IDS: variants seen among roughly 807,000 people sequenced by gnomAD.
The protein encoded by IDS is iduronate 2-sulfatase, also known as alpha-L-iduronate sulfate sulfatase.
A neutral mutation model predicts 33.5 loss-of-function variants in IDS; 1 was observed. The ratio of observed to expected loss-of-function variants is 0.03; its 90% CI spans 0.01 to 0.14. The LOEUF (loss-of-function observed/expected upper bound fraction) is 0.14. IDS is among the 10% of genes least tolerant of loss of function. The pLI is 1.00. For missense variants in IDS, 328 were observed against 448.0 expected, an observed-to-expected ratio of 0.73 and a Z score of 2.42; for synonymous variants, 191 against 184.4, an observed-to-expected ratio of 1.04 and a Z score of -0.29.
intron 7 of IDS, among the ~76,000 whole-genome samples, chrX:149,487,609 CA>C (rs2089349595): frequency 8.9e-6 from 1 of 112,501 alleles, no homozygotes; most frequent in Admixed American, 9.4e-5. Flanking sequence ...TCAAAAAAGA[CA>C]AGGACATCTT....
Position 149,482,488 on chromosome X carries a change from A to G in IDS, c.*258T>C. 2.6e-6 allele frequency: 1 copy of G among 381,629 alleles called. No homozygotes were observed. The highest frequency in any genetic ancestry group is 4.7e-5 in the East Asian group (1 of 21,289). The allele number at this position is 381,629 out of a possible 1,213,427, so 31.5% of individuals were successfully genotyped here. ...TTGTTTGCTTTGTATTTATTCAGTAAATAAGCCGTAACTGTTTTAAAAAGA... is the reference window on the plus strand; with the variant it reads ...TTGTTTGCTTTGTATTTATTCAGTAGATAAGCCGTAACTGTTTTAAAAAGA... On this transcript the variant is annotated 3_prime_UTR_variant, in exon 9 of 9. Transcript: ENST00000340855.
At chrX:149,492,642 T>C (rs1275385832) in intron 6 of IDS, among the ~76,000 whole-genome samples, 1 of 110,692 alleles carries the variant, frequency 9.0e-6, no homozygotes, top group Non-Finnish European at 1.9e-5. Context: ...GAAATTGACA[T>C]GATCTGGGCT....
intron 8 of IDS, among the ~76,000 whole-genome samples, chrX:149,485,221 T>C (rs1366220109): frequency 8.9e-6 from 1 of 111,981 alleles, no homozygotes; most frequent in Non-Finnish European, 1.9e-5. Flanking sequence ...TGCCGGGCTG[T>C]GACATGACTT....
At position 149,486,969 on chromosome X, in the gene IDS, G is replaced by A. The variant is rs374041693; in HGVS notation, c.1136C>T (p.Pro379Leu). The change falls in exon 8 of 9, where the codon CCT becomes CTT. Residue 379 changes from proline to leucine, a missense_variant. Pro to Leu is a moderately conservative substitution (Grantham distance 98, BLOSUM62 -3). Coordinates refer to ENST00000340855, the MANE Select transcript of IDS (RefSeq NM_000202.8). ...GGCGGAATCAAAAGGGTCGAGGTAAGGGAAAAGCTTCTCGCCTGCCTCCGG... is the reference window on the plus strand; with the variant it reads ...GGCGGAATCAAAAGGGTCGAGGTAAAGGAAAAGCTTCTCGCCTGCCTCCGG... ...SLPEAGEKLF[P>L]YLDPFDSASQ... 3 of 1,210,510 alleles carry A rather than the reference G, an allele frequency of 2.5e-6. No homozygotes were observed. The African/African-American group carries it at 5.2e-5, about 21-fold the overall frequency.
chrX:149,497,735 G>C (rs1489011806), intron 5 of IDS, among the ~76,000 whole-genome samples: 3 of 112,153 alleles, frequency 2.7e-5, no homozygotes, highest in African/African-American at 9.7e-5. Flanking sequence ...TTTTTGAAGA[G>C]AGTTTCACAT....
chrX:149,483,138 G>A lies in IDS; in HGVS notation c.1261C>T (p.Arg421Cys), dbSNP rs781825818. ...AGLAGLQVPPRCPVPSFHVEL... is the reference protein window; with the variant it reads ...AGLAGLQVPPCCPVPSFHVEL... ...ACGTGAAATGAAGGAACGGGGCAGC[G>A]AGGTGGAACCTGCAGTCCTGCAAGT... The change falls in exon 9 of 9, where the codon CGC (arginine) becomes TGC (cysteine). Residue 421 changes from arginine to cysteine, a missense_variant. Transcript: ENST00000340855. 7.4e-6 allele frequency: 9 copies of A among 1,208,836 alleles called. No individual in the cohort carries two copies. In the South Asian group the frequency reaches 8.8e-5, roughly 12 times the overall value.
chrX:149,488,886 G>A (rs1602732863), intron 7 of IDS, among the ~76,000 whole-genome samples: 3 of 111,326 alleles, frequency 2.7e-5, no homozygotes, highest in South Asian at 7.7e-4. Flanking sequence ...AGATGAGGAC[G>A]TGGCAACATA....
chrX:149,492,255 T>C (rs2089399546), intron 6 of IDS, among the ~76,000 whole-genome samples: 1 of 111,472 alleles, frequency 9.0e-6, no homozygotes, highest in South Asian at 3.8e-4. Flanking sequence ...TTCCCTATAG[T>C]TTTTCCCACC....
intron 5 of IDS, among the ~76,000 whole-genome samples, chrX:149,497,899 A>T (rs1557339468): frequency 8.9e-6 from 1 of 112,629 alleles, no homozygotes; most frequent in African/African-American, 3.2e-5. Flanking sequence ...TGAAGCGGAA[A>T]GCCAAGCATT....
Position 149,478,429 on chromosome X carries a change from TAATG to T in IDS, c.*4313_*4316del, listed in dbSNP as rs2089277913. 1.8e-5 allele frequency: 2 copies of T among 111,965 alleles called. No homozygotes were observed. Among genetic ancestry groups the T allele is most frequent in the African/African-American group, 6.5e-5 (2 of 30,748 alleles). 9.2% of individuals were successfully genotyped at this position (111,965 alleles called of 1,213,427 possible). A position where few individuals can be genotyped will look rare whatever the true frequency, so the allele number is the denominator to read the frequency against. ...TACATTTCAGTCCAAAAAAAAAAAT[TAATG>T]AAGCAGGGCTGTGCAGCCATTACAG... On this transcript the variant is annotated 3_prime_UTR_variant, in exon 9 of 9. Transcript: ENST00000340855.
chrX:149,483,555 A>T (rs1286666032), intron 8 of IDS, among the ~76,000 whole-genome samples: 1 of 111,887 alleles, frequency 8.9e-6, no homozygotes, highest in African/African-American at 3.3e-5. Flanking sequence ...CTGTTGAGGA[A>T]CAGGATATTC....
chrX:149,502,112 G>A, intron 3 of IDS: 1 of 330,800 alleles, frequency 3.0e-6, no homozygotes, highest in East Asian at 9.7e-5. Context: ...CTTGAAGCAG[G>A]CCCAATGCTA....
At position 149,480,481 on chromosome X, in the gene IDS, T is replaced by C. The variant is rs782147463; in HGVS notation, c.*2265A>G. Reference sequence around the variant, plus strand: ...AAATTCAGTTCAAAACCACAGAAAATCTAGGAGTCTCCAAAGAAAATCACA... The same window carrying C: ...AAATTCAGTTCAAAACCACAGAAAACCTAGGAGTCTCCAAAGAAAATCACA... On this transcript the variant is annotated 3_prime_UTR_variant, in exon 9 of 9. Transcript: ENST00000340855. 7 of 294,587 alleles carry C rather than the reference T, an allele frequency of 2.4e-5. No homozygotes were observed. The highest frequency in any genetic ancestry group is 4.4e-4 in the South Asian group (2 of 4,574). 24.3% of individuals were successfully genotyped at this position (294,587 alleles called of 1,213,427 possible). A position where few individuals can be genotyped will look rare whatever the true frequency, so the allele number is the denominator to read the frequency against.
chrX:149,492,943 G>A (rs1438079634), intron 6 of IDS, among the ~76,000 whole-genome samples: 1 of 110,391 alleles, frequency 9.1e-6, no homozygotes, highest in Non-Finnish European at 1.9e-5. Context: ...ACATTCAGCT[G>A]GTGGCATAAT....
In IDS at chrX:149,505,142, G is replaced by A. The variant is rs782413975; in HGVS notation, c.-5C>T. The A allele has an allele frequency of 1.3e-4, 150 of 1,177,524 alleles. No individual in the cohort carries two copies. The Middle Eastern group carries it at 1.7e-3, about 13-fold the overall frequency. ...GCCGGTCCGGGGTGGCGGCATTTCG[G>A]CTTCGACGCGGCCGCTTCAGAGCGG... On this transcript the variant is annotated 5_prime_UTR_variant, in exon 1 of 9. Coordinates refer to ENST00000340855, the MANE Select transcript of IDS (RefSeq NM_000202.8).
At chrX:149,490,258 T>C (rs2089377869) in intron 7 of IDS, 56 bp downstream of exon 7, 18 of 1,177,453 alleles carry the variant, frequency 1.5e-5, no homozygotes, top group Admixed American at 2.2e-5. Flanking sequence ...TTGCAAAGCA[T>C]GTTTCACAGG....
At chrX:149,485,645 C>A (rs1215038750) in intron 8 of IDS, among the ~76,000 whole-genome samples, 1 of 111,930 alleles carries the variant, frequency 8.9e-6, no homozygotes, top group Non-Finnish European at 1.9e-5. Context: ...AGGGAAAAGA[C>A]ACAGCTAGAG....
chrX:149,491,844 G>C (rs973387492), intron 6 of IDS, among the ~76,000 whole-genome samples: 4 of 112,263 alleles, frequency 3.6e-5, no homozygotes, highest in African/African-American at 6.5e-5. Flanking sequence ...TATCAGTGAG[G>C]CCTGCTGGGT....
intron 1 of IDS, 78 bp downstream of exon 1, chrX:149,504,957 A>T (rs1252445760): frequency 7.9e-6 from 6 of 755,312 alleles, no homozygotes; most frequent in Non-Finnish European, 1.2e-5. Flanking sequence ...ATATAAACAA[A>T]GAAGGAAGGA....
Sources: gnomAD v4.1 joint callset for allele counts (sites outside exome capture counted in the v4.1 genomes callset) on GRCh38, gnomAD v4.1.1 for gene constraint, MANE v1.5 for transcripts, NCBI Gene and HGNC (gene_info 2026-07-23, HGNC 2026-07-21) for gene names.